The following CAMK4 variants were observed in gnomAD, a reference collection of about 807,000 sequenced individuals.
CAMK4 encodes the protein calcium/calmodulin-dependent protein kinase type IV.
CAMK4 carries 22 observed loss-of-function variants against 44.9 expected under a neutral mutation model. The observed-to-expected ratio is 0.49, with a 90% CI of 0.35 to 0.70. The LOEUF is 0.70. Among genes scored for constraint, CAMK4 ranks in the 30% least tolerant of loss-of-function variants. The pLI is 0.01. For synonymous variants in CAMK4, 218 were observed against 215.4 expected, an observed-to-expected ratio of 1.01 and a Z score of -0.11; for missense variants, 498 against 586.8, an observed-to-expected ratio of 0.85 and a Z score of 1.56.
intron 1 of CAMK4, among the ~76,000 whole-genome samples, chr5:111,317,898 TAAAAAAAA>T (rs3066636): frequency 3.6e-4 from 25 of 69,832 alleles, no homozygotes; most frequent in Middle Eastern, 0.013. Flanking sequence ...GAGTAATATG[TAAAAAAAA>T]AAAAAAAAAA....
intron 1 of CAMK4, among the ~76,000 whole-genome samples, chr5:111,227,368 A>G (rs1362626285): frequency 6.6e-6 from 1 of 152,174 alleles, no homozygotes; most frequent in African/African-American, 2.4e-5. Context: ...TGTGACTCTA[A>G]TTCATTAGTA....
intron 1 of CAMK4, among the ~76,000 whole-genome samples, chr5:111,271,930 T>A (rs1474578069): frequency 3.3e-5 from 5 of 152,140 alleles, no homozygotes; most frequent in Non-Finnish European, 7.4e-5. Context: ...GGTGTCTCCC[T>A]CCAACACTTT....
At chr5:111,463,336 T>C (rs1306853331) in intron 7 of CAMK4, among the ~76,000 whole-genome samples, 5 of 152,080 alleles carry the variant, frequency 3.3e-5, no homozygotes, top group East Asian at 1.9e-4. Context: ...AAAGAAGATA[T>C]ACAAATGGGA....
At chr5:111,442,123 T>G (rs1753844889) in intron 5 of CAMK4, among the ~76,000 whole-genome samples, 1 of 152,196 alleles carries the variant, frequency 6.6e-6, no homozygotes, top group African/African-American at 2.4e-5. Flanking sequence ...CAAAGTCTAG[T>G]CTAGGCTAGG....
intron 8 of CAMK4, among the ~76,000 whole-genome samples, chr5:111,474,356 G>C (rs1002709662): frequency 6.6e-6 from 1 of 152,198 alleles, no homozygotes; most frequent in African/African-American, 2.4e-5. Flanking sequence ...AGCACAGTCA[G>C]CTTCTGCTGA....
At chr5:111,448,152 A>G (rs62371288) in intron 6 of CAMK4, among the ~76,000 whole-genome samples, 18,199 of 152,284 alleles carry the variant, frequency 0.12, 1,337 homozygotes, top group Non-Finnish European at 0.18. Context: ...TGCAAGCGAT[A>G]TAGCTCAGCA....
intron 1 of CAMK4, among the ~76,000 whole-genome samples, chr5:111,325,427 G>A (rs532803412): frequency 1.3e-5 from 2 of 152,172 alleles, no homozygotes; most frequent in African/African-American, 4.8e-5. Flanking sequence ...AGATCCTTGA[G>A]GGATTGCCAC....
chr5:111,360,906 C>G (rs903469122), intron 2 of CAMK4, among the ~76,000 whole-genome samples: 2 of 152,026 alleles, frequency 1.3e-5, no homozygotes, highest in Non-Finnish European at 2.9e-5. Context: ...ATTAAGATCT[C>G]TAGAATCTCT....
rs139003683 is a variant in CAMK4, at chr5:111,485,226, A to G, written c.*760A>G. The stretch of plus-strand genomic sequence containing the variant: ...CAATAAGATGACTTTCTGATAGACA[A>G]AGCTTAGGGTGTAATAAACAGGGAA... On this transcript the variant is annotated 3_prime_UTR_variant, in exon 11 of 11. Coordinates refer to ENST00000282356, the MANE Select transcript of CAMK4 (RefSeq NM_001744.6). The G allele has an allele frequency of 7.9e-5, 12 of 152,310 alleles. No individual in the cohort carries two copies. The highest frequency in any genetic ancestry group is 2.9e-4 in the African/African-American group (12 of 41,576). The allele number at this position is 152,310 out of a possible 1,614,324, so 9.4% of individuals were successfully genotyped here.
intron 8 of CAMK4, among the ~76,000 whole-genome samples, chr5:111,476,266 TG>T (rs1755236361): frequency 1.4e-4 from 19 of 135,558 alleles, no homozygotes; most frequent in African/African-American, 2.0e-4. Context: ...TGTGTGTGTG[TG>T]TGTTTGTGTG....
At chr5:111,232,903 G>T (rs1347614025) in intron 1 of CAMK4, among the ~76,000 whole-genome samples, 1 of 152,158 alleles carries the variant, frequency 6.6e-6, no homozygotes, top group African/African-American at 2.4e-5. Context: ...AGGCTTGAAG[G>T]CCATTCAGTC....
chr5:111,406,194 T>TTCTCTCTCTCTCTCTCTC lies in CAMK4; in HGVS notation c.459+11425_459+11442dup, dbSNP rs10524853. ...TCCTGTTTCCTTCTCCTAATTTATT[T>TTCTCTCTCTCTCTCTCTC]TCTCTCTCTCTCTCTCTCTCTCTCT... On this transcript the variant is annotated intron_variant, in intron 5 of 10. Coordinates refer to ENST00000282356, the MANE Select transcript of CAMK4 (RefSeq NM_001744.6). Among the ~76,000 whole-genome samples, 256 of 136,826 alleles carry TTCTCTCTCTCTCTCTCTC rather than the reference T, an allele frequency of 1.9e-3. 5 individuals are homozygous for TTCTCTCTCTCTCTCTCTC. Among genetic ancestry groups the TTCTCTCTCTCTCTCTCTC allele is most frequent in the African/African-American group, 6.5e-3 (228 of 35,258 alleles). The allele number at this position is 136,826 out of a possible 152,430, so 89.8% of individuals were successfully genotyped here.
chr5:111,343,988 G>A (rs746576941), intron 1 of CAMK4, 36 bp from the exon 2 acceptor site: 5 of 1,250,410 alleles, frequency 4.0e-6, no homozygotes, highest in Non-Finnish European at 4.7e-6. Context: ...CATGTCCAAA[G>A]CATAACATTT....
intron 8 of CAMK4, among the ~76,000 whole-genome samples, chr5:111,476,312 C>T (rs182284973): frequency 2.0e-5 from 3 of 151,282 alleles, no homozygotes; most frequent in Admixed American, 1.3e-4. Flanking sequence ...TGAAGTCTTG[C>T]TCTGTCTCCC....
intron 4 of CAMK4, among the ~76,000 whole-genome samples, chr5:111,390,539 C>A (rs1751760519): frequency 6.6e-6 from 1 of 152,054 alleles, no homozygotes; most frequent in Non-Finnish European, 1.5e-5. Context: ...ATTTGAGGTA[C>A]CATCTAAGAA....
At chr5:111,446,173 A>G (rs999843110) in intron 5 of CAMK4, among the ~76,000 whole-genome samples, 2 of 152,260 alleles carry the variant, frequency 1.3e-5, no homozygotes, top group African/African-American at 4.8e-5. Context: ...ATCCATCATT[A>G]TCAAACAGTA....
intron 4 of CAMK4, among the ~76,000 whole-genome samples, chr5:111,382,165 G>T (rs1751441008): frequency 6.6e-6 from 1 of 151,896 alleles, no homozygotes. Context: ...CCTTTTTTGA[G>T]GTATTATTAT....
chr5:111,230,050 G>A lies in CAMK4; in HGVS notation c.161+5406G>A, dbSNP rs571923543. On this transcript the variant is annotated intron_variant, in intron 1 of 10. Coordinates refer to ENST00000282356, the MANE Select transcript of CAMK4 (RefSeq NM_001744.6). ...TGGGCCGGGTGCAGCATGTGTACCC[G>A]CTTCCTCTTCTTTGAGGTCTTGGTC... Among the ~76,000 whole-genome samples, 9 of 152,252 alleles carry A rather than the reference G, an allele frequency of 5.9e-5. 1 individual carries two copies. The South Asian group carries it at 6.2e-4, about 11-fold the overall frequency.
intron 1 of CAMK4, among the ~76,000 whole-genome samples, chr5:111,247,046 G>C (rs1408016132): frequency 6.6e-6 from 1 of 152,042 alleles, no homozygotes; most frequent in East Asian, 1.9e-4. Flanking sequence ...GAAAACATTA[G>C]TTCCTCGGGA....
Sources: gnomAD v4.1 joint callset for allele counts (sites outside exome capture counted in the v4.1 genomes callset) on GRCh38, gnomAD v4.1.1 for gene constraint, MANE v1.5 for transcripts, NCBI Gene and HGNC (gene_info 2026-07-23, HGNC 2026-07-21) for gene names.